The following NPSR1 variants were observed in gnomAD, a reference collection of about 807,000 sequenced individuals.
The protein encoded by NPSR1 is neuropeptide S receptor.
In NPSR1, 48 loss-of-function variants were observed where a neutral mutation model predicts 46.9. The ratio of observed to expected loss-of-function variants is 1.02; its 90% CI spans 0.81 to 1.30. NPSR1 has a LOEUF of 1.30. Ranked by LOEUF, NPSR1 falls within the 50% of genes most tolerant of loss-of-function variation. The pLI, the probability that NPSR1 is intolerant of heterozygous loss-of-function variation, is 0.00. For missense variants in NPSR1, 450 were observed against 449.5 expected, an observed-to-expected ratio of 1.00 and a Z score of -0.01; for synonymous variants, 176 against 168.1, an observed-to-expected ratio of 1.05 and a Z score of -0.36.
At chr7:34,718,541 C>T (rs921487994) in intron 2 of NPSR1, among the ~76,000 whole-genome samples, 8 of 152,216 alleles carry the variant, frequency 5.3e-5, no homozygotes, top group African/African-American at 1.9e-4. Flanking sequence ...TGATCCATTC[C>T]TAGGCTTCTA....
intron 2 of NPSR1, among the ~76,000 whole-genome samples, chr7:34,776,446 T>C (rs1245690324): frequency 2.6e-5 from 4 of 152,332 alleles, no homozygotes; most frequent in African/African-American, 7.2e-5. Context: ...TTTTTCACTA[T>C]ATAGTAACCT....
Position 34,669,796 on chromosome 7 carries a change from G to A in NPSR1, c.147+11237G>A, listed in dbSNP as rs116566235. ...CAGAGAAGTAAAGTGACCTTCCCAAGGTTACATAGCTGGTAGATGGTAGAG... is the reference window on the plus strand; with the variant it reads ...CAGAGAAGTAAAGTGACCTTCCCAAAGTTACATAGCTGGTAGATGGTAGAG... On this transcript the variant is annotated intron_variant, in intron 1 of 8. Coordinates refer to ENST00000360581, the MANE Select transcript of NPSR1 (RefSeq NM_207172.2). Among the ~76,000 whole-genome samples, 159 of 152,270 alleles carry A rather than the reference G, an allele frequency of 1.0e-3. 2 individuals carry two copies. Among genetic ancestry groups the A allele is most frequent in the African/African-American group, 3.5e-3 (146 of 41,562 alleles).
chr7:34,763,903 T>A (rs976661326), intron 2 of NPSR1, among the ~76,000 whole-genome samples: 2 of 152,222 alleles, frequency 1.3e-5, no homozygotes, highest in Non-Finnish European at 2.9e-5. Flanking sequence ...TGCTTTCCCT[T>A]TAGAAAGACT....
At chr7:34,874,104 A>G (rs941811338) in intron 8 of NPSR1, among the ~76,000 whole-genome samples, 1 of 150,448 alleles carries the variant, frequency 6.6e-6, no homozygotes. Context: ...CAGAAAGTTG[A>G]GACTGGAATC....
At position 34,735,403 on chromosome 7, in the gene NPSR1, C is replaced by G. The variant is rs187303719; in HGVS notation, c.281-43059C>G. Reference sequence around the variant, plus strand: ...GTTGTGCCATTCTTGGCAGGGCCATCTCTCTTGTTTATTATCCTGGAGCCC... The same window carrying G: ...GTTGTGCCATTCTTGGCAGGGCCATGTCTCTTGTTTATTATCCTGGAGCCC... On this transcript the variant is annotated intron_variant, in intron 2 of 8. Coordinates refer to ENST00000360581, the MANE Select transcript of NPSR1 (RefSeq NM_207172.2). 2.6e-5 allele frequency among the ~76,000 whole-genome samples: 4 copies of G among 151,966 alleles called. No individual in the cohort carries two copies. The East Asian group carries it at 7.8e-4, about 30-fold the overall frequency.
rs372594377 is a variant in NPSR1 at position 34,712,216 on chromosome 7, C to T, written c.280+27532C>T. ...TTGCTTTCCCCTTGCACTCAGCATA[C>T]AGCAAAGCTCTAACACATGATATAT... is the stretch of plus-strand genomic sequence containing the variant. On this transcript the variant is annotated intron_variant, in intron 2 of 8. Transcript: ENST00000360581. Among the ~76,000 whole-genome samples, 143 of 152,300 alleles carry T rather than the reference C, an allele frequency of 9.4e-4. 4 individuals carry two copies. The South Asian group carries it at 0.029, about 31-fold the overall frequency.
At chr7:34,809,935 T>C (rs942743717) in intron 3 of NPSR1, among the ~76,000 whole-genome samples, 8 of 152,188 alleles carry the variant, frequency 5.3e-5, no homozygotes, top group African/African-American at 1.9e-4. Context: ...CCTCCATCCA[T>C]GTCCATCCAT....
In NPSR1 at chr7:34,817,611, C is replaced by CA. The variant is rs1159889630; in HGVS notation, c.478+5756dup. Among the ~76,000 whole-genome samples, 241 of 129,260 alleles carry CA rather than the reference C, an allele frequency of 1.9e-3. 3 individuals are homozygous for CA. The highest frequency in any genetic ancestry group is 6.1e-3 in the Admixed American group (74 of 12,170). The allele number at this position is 129,260 out of a possible 152,430, so 84.8% of individuals were successfully genotyped here. On this transcript the variant is annotated intron_variant, in intron 4 of 8. Coordinates refer to ENST00000360581, the MANE Select transcript of NPSR1 (RefSeq NM_207172.2). Reference sequence around the variant, plus strand: ...ATACCAAAGCCTGGCAGAGACAAAACAAAAAAAAGAGAATTTTAGACCAAT... The same window carrying CA: ...ATACCAAAGCCTGGCAGAGACAAAACAAAAAAAAAGAGAATTTTAGACCAAT...
chr7:34,693,149 A>T (rs1400991262), intron 2 of NPSR1, among the ~76,000 whole-genome samples: 3 of 151,946 alleles, frequency 2.0e-5, no homozygotes, highest in African/African-American at 7.3e-5. Flanking sequence ...TTCCATTATG[A>T]TTGTAAGCTT....
chr7:34,742,167 TCTC>T lies in NPSR1; in HGVS notation c.281-36292_281-36290del, dbSNP rs562196917. ...TATAATGTGCTATTCTCTCAATCTC[TCTC>T]CTTTTTTTTTTTTAGGTTTGGGGGT... On this transcript the variant is annotated intron_variant, in intron 2 of 8. Coordinates refer to ENST00000360581, the MANE Select transcript of NPSR1 (RefSeq NM_207172.2). Among the ~76,000 whole-genome samples, 306 of 142,680 alleles carry T rather than the reference TCTC, an allele frequency of 2.1e-3. 1 individual carries two copies. Among genetic ancestry groups the T allele is most frequent in the African/African-American group, 7.3e-3 (300 of 40,844 alleles). 93.6% of individuals were successfully genotyped at this position (142,680 alleles called of 152,430 possible).
intron 8 of NPSR1, among the ~76,000 whole-genome samples, chr7:34,861,977 G>T (rs1317194134): frequency 6.6e-6 from 1 of 151,814 alleles, no homozygotes; most frequent in African/African-American, 2.4e-5. Flanking sequence ...GATCCTCAGT[G>T]ATCAGAAATT....
At chr7:34,703,568 T>C (rs1308605982) in intron 2 of NPSR1, among the ~76,000 whole-genome samples, 1 of 152,104 alleles carries the variant, frequency 6.6e-6, no homozygotes, top group African/African-American at 2.4e-5. Context: ...TTTGCTCTTC[T>C]ATGTTTTACC....
chr7:34,864,766 A>G (rs1196812126), intron 8 of NPSR1, among the ~76,000 whole-genome samples: 1 of 151,840 alleles, frequency 6.6e-6, no homozygotes. Flanking sequence ...GACTAAAACA[A>G]CACCCTTATT....
chr7:34,849,283 T>G, intron 8 of NPSR1: 5 of 1,390,622 alleles, frequency 3.6e-6, no homozygotes, highest in Non-Finnish European at 5.0e-6. Flanking sequence ...GGCAAGTTAT[T>G]TAACATCTGT....
Position 34,827,410 on chromosome 7 carries a change from C to G in NPSR1, c.488C>G (p.Ala163Gly), listed in dbSNP as rs780099659. 9.9e-6 allele frequency: 16 copies of G among 1,613,874 alleles called. No individual in the cohort carries two copies. The African/African-American group carries it at 2.0e-4, about 20-fold the overall frequency. ...TCTTTTCTTTGGGCAGAAAAGCAAG[C>G]CAGGGTCCTCATTGTGATCGCCTGG... ...PMKFLQGEKQARVLIVIAWSL... is the reference protein window; with the variant it reads ...PMKFLQGEKQGRVLIVIAWSL... Residue 163 changes from alanine to glycine, a missense_variant, in exon 5 of 9, where the codon GCC becomes GGC. Ala to Gly is a moderately conservative substitution (Grantham distance 60, BLOSUM62 0). Transcript: ENST00000360581.
At chr7:34,814,872 A>G (rs1418222585) in intron 4 of NPSR1, among the ~76,000 whole-genome samples, 2 of 152,116 alleles carry the variant, frequency 1.3e-5, no homozygotes, top group Admixed American at 1.3e-4. Context: ...TAGCACCAAC[A>G]TCAACAAAAA....
intron 1 of NPSR1, among the ~76,000 whole-genome samples, chr7:34,666,698 G>A (rs929270148): frequency 1.3e-4 from 20 of 152,052 alleles, no homozygotes; most frequent in African/African-American, 4.8e-4. Flanking sequence ...AGTGTAATAC[G>A]ACATTGACAG....
intron 2 of NPSR1, among the ~76,000 whole-genome samples, chr7:34,700,542 G>A (rs1392231781): frequency 1.3e-5 from 2 of 152,142 alleles, no homozygotes; most frequent in African/African-American, 4.8e-5. Flanking sequence ...GTCATTAGAG[G>A]AAATGCAAAT....
intron 1 of NPSR1, among the ~76,000 whole-genome samples, chr7:34,677,802 G>A (rs1189923130): frequency 6.6e-6 from 1 of 152,194 alleles, no homozygotes; most frequent in Non-Finnish European, 1.5e-5. Context: ...TCTGTGGGAG[G>A]TTTACTGAAT....
Sources: gnomAD v4.1 joint callset for allele counts (sites outside exome capture counted in the v4.1 genomes callset) on GRCh38, gnomAD v4.1.1 for gene constraint, MANE v1.5 for transcripts, NCBI Gene and HGNC (gene_info 2026-07-23, HGNC 2026-07-21) for gene names.